The following USP31 variants were observed in gnomAD, a reference collection of about 807,000 sequenced individuals.
USP31 encodes the protein ubiquitin carboxyl-terminal hydrolase 31.
In USP31, 44 loss-of-function variants were observed where a neutral mutation model predicts 119.4. The observed-to-expected ratio is 0.37, with a 90% CI of 0.29 to 0.47. The LOEUF (loss-of-function observed/expected upper bound fraction) is 0.47, where lower values mean the gene tolerates loss of function less well. Ranked by LOEUF, USP31 falls within the 20% of genes least tolerant of loss-of-function variation. USP31 has a pLI of 0.99. For synonymous variants in USP31, 749 were observed against 705.6 expected (o/e 1.06, Z -0.97); for missense variants, 1,643 against 1,730.2 (o/e 0.95, Z 0.89).
At chr16:23,086,473 A>C (rs955024050) in intron 9 of USP31, among the ~76,000 whole-genome samples, 3 of 152,158 alleles carry the variant, frequency 2.0e-5, no homozygotes, top group African/African-American at 7.2e-5. Flanking sequence ...CAGAGGTAGC[A>C]GAGTAGAGTG....
At chr16:23,095,856 T>A (rs1039112050) in intron 6 of USP31, among the ~76,000 whole-genome samples, 4 of 151,990 alleles carry the variant, frequency 2.6e-5, no homozygotes, top group Non-Finnish European at 5.9e-5. Context: ...GCACTAAACA[T>A]GGAAAGGAAC....
intron 1 of USP31, among the ~76,000 whole-genome samples, chr16:23,135,968 A>C (rs1903176097): frequency 6.6e-6 from 1 of 152,218 alleles, no homozygotes; most frequent in Non-Finnish European, 1.5e-5. Flanking sequence ...AGTGGGGTAA[A>C]GATACATAAA....
At position 23,107,224 on chromosome 16, in the gene USP31, T is replaced by C. The variant is rs1340606451; in HGVS notation, c.772-737A>G. Among the ~76,000 whole-genome samples the C allele has an allele frequency of 2.0e-5, 3 of 152,212 alleles. No homozygotes were observed. The East Asian group carries it at 5.8e-4, about 29-fold the overall frequency. ...ACTCTACTTCATGTTGTATTTAACTTTTCATGTCCCTCCGCCTAACAATTA... is the reference window on the plus strand; with the variant it reads ...ACTCTACTTCATGTTGTATTTAACTCTTCATGTCCCTCCGCCTAACAATTA... On this transcript the variant is annotated intron_variant, in intron 2 of 15. Coordinates refer to ENST00000219689, the MANE Select transcript of USP31 (RefSeq NM_020718.4).
At chr16:23,112,727 C>T (rs1478719520) in intron 1 of USP31, among the ~76,000 whole-genome samples, 3 of 151,864 alleles carry the variant, frequency 2.0e-5, no homozygotes. Context: ...AGAAGATTTC[C>T]TAATTTTAAA....
Position 23,084,982 on chromosome 16 carries a change from C to T in USP31, c.1708G>A (p.Val570Ile). The T allele has an allele frequency of 6.2e-7, 1 of 1,613,082 alleles. No individual in the cohort carries two copies. Among genetic ancestry groups the T allele is most frequent in the Non-Finnish European group, 8.5e-7 (1 of 1,179,746 alleles). Residue 570 changes from valine to isoleucine, a missense_variant, in exon 11 of 16, where the codon GTA becomes ATA. By Grantham distance (29) the Val-to-Ile change is conservative (BLOSUM62 3). Transcript: ENST00000219689. Reference sequence around the variant, plus strand: ...GGAATATACTCATCCTCAGTATTTACAAATAAGCTGCAATTAGGGGGAAAA... The same window carrying T: ...GGAATATACTCATCCTCAGTATTTATAAATAAGCTGCAATTAGGGGGAAAA... Reference protein sequence around the residue: ...WDKETRDFLFVNTEDEYIPDA... With the variant: ...WDKETRDFLFINTEDEYIPDA...
At chr16:23,074,619 G>A (rs1900482758) in intron 13 of USP31, among the ~76,000 whole-genome samples, 1 of 152,146 alleles carries the variant, frequency 6.6e-6, no homozygotes, top group Non-Finnish European at 1.5e-5. Flanking sequence ...TGCACTTGAA[G>A]CCCTATCCTG....
chr16:23,148,778 G>T lies in USP31; in HGVS notation c.493C>A (p.Arg165=), dbSNP rs1048503030. Residue 165 remains arginine (R), a synonymous_variant, in exon 1 of 16, where the codon CGG becomes AGG. Coordinates refer to ENST00000219689, the MANE Select transcript of USP31 (RefSeq NM_020718.4). Reference sequence around the variant, plus strand: ...TCCGGGTCAGGCGAGGGCTCGGGCCGCCCCGCCCGGTACTGGCCCAGCGCC... The same window carrying T: ...TCCGGGTCAGGCGAGGGCTCGGGCCTCCCCGCCCGGTACTGGCCCAGCGCC... ...YLALGQYRAG[R]PEPSPDPEQP... is the part of the protein sequence containing the mutation. 4 of 1,531,996 alleles carry T rather than the reference G, an allele frequency of 2.6e-6. No homozygotes were observed. Among genetic ancestry groups the T allele is most frequent in the South Asian group, 1.2e-5 (1 of 80,854 alleles). 94.9% of individuals were successfully genotyped at this position (1,531,996 alleles called of 1,614,324 possible). A position where few individuals can be genotyped will look rare whatever the true frequency, so the allele number is the denominator to read the frequency against.
At position 23,062,118 on chromosome 16, in the gene USP31, T is replaced by A. The variant is rs1899856925; in HGVS notation, c.*5928A>T. The stretch of plus-strand genomic sequence containing the variant: ...TTTCCAACTTGCATGTCTACTTGTA[T>A]CTTCATTCCTTAAAATGTTGAAAAC... On this transcript the variant is annotated 3_prime_UTR_variant, in exon 16 of 16. Transcript: ENST00000219689. 6.5e-6 allele frequency: 1 copy of A among 152,794 alleles called. No homozygotes were observed. Among genetic ancestry groups the A allele is most frequent in the South Asian group, 2.1e-4 (1 of 4,832 alleles). The allele number at this position is 152,794 out of a possible 1,614,324, so 9.5% of individuals were successfully genotyped here.
rs1222631002 is a variant in USP31 at position 23,068,430 on chromosome 16, C to T, written c.3675G>A (p.Gly1225=). 6.8e-6 allele frequency: 11 copies of T among 1,613,598 alleles called. No individual in the cohort carries two copies. Among genetic ancestry groups the T allele is most frequent in the Non-Finnish European group, 9.3e-6 (11 of 1,180,040 alleles). The change falls in exon 16 of 16, where the codon GGG becomes GGA. Residue 1225 remains glycine, a synonymous_variant. Transcript: ENST00000219689. ...LKRDSKSEDK[G]LSFFKSALRQ... is the part of the protein sequence containing the mutation. ...TCAAGGCTGATTTGAAGAAGGACAG[C>T]CCCTTGTCCTCAGACTTGCTGTCCC...
intron 13 of USP31, among the ~76,000 whole-genome samples, chr16:23,078,189 G>C (rs186452809): frequency 6.6e-6 from 1 of 151,648 alleles, no homozygotes; most frequent in African/African-American, 2.4e-5. Flanking sequence ...GTGTGTGCCT[G>C]TAGTCCCAGC....
intron 7 of USP31, among the ~76,000 whole-genome samples, chr16:23,088,350 C>T (rs114790464): frequency 1.8e-4 from 28 of 152,232 alleles, no homozygotes; most frequent in African/African-American, 6.7e-4. Flanking sequence ...CTGCACAGAC[C>T]GAAGACCAAA....
At position 23,094,221 on chromosome 16, in the gene USP31, T is replaced by C. The variant is rs180902023; in HGVS notation, c.1235-3417A>G. Among the ~76,000 whole-genome samples the C allele has an allele frequency of 5.5e-4, 84 of 152,298 alleles. 1 individual carries two copies. The highest frequency in any genetic ancestry group is 3.3e-3 in the Admixed American group (50 of 15,310). On this transcript the variant is annotated intron_variant, in intron 6 of 15. Coordinates refer to ENST00000219689, the MANE Select transcript of USP31 (RefSeq NM_020718.4). ...CCCATGCCTGGCTCGGTGGGTCCCA[T>C]GCCCACGGAGTCTTGCTCACTGCTA...
intron 13 of USP31, 87 bp downstream of exon 13, chr16:23,079,859 G>A: frequency 7.9e-7 from 1 of 1,272,896 alleles, no homozygotes; most frequent in Non-Finnish European, 1.1e-6. Context: ...GAGGGGAAAT[G>A]AGGCTCTAAA....
At position 23,117,751 on chromosome 16, in the gene USP31, C is replaced by CTTTTT. The variant is rs67615111; in HGVS notation, c.634-9573_634-9569dup. Among the ~76,000 whole-genome samples the CTTTTT allele has an allele frequency of 9.8e-4, 138 of 141,462 alleles. 1 individual carries two copies. Among genetic ancestry groups the CTTTTT allele is most frequent in the South Asian group, 2.5e-3 (11 of 4,422 alleles). 92.8% of individuals were successfully genotyped at this position (141,462 alleles called of 152,430 possible). On this transcript the variant is annotated intron_variant, in intron 1 of 15. Transcript: ENST00000219689. ...TACTACGTTTGATTTTTTTCCTTTT[C>CTTTTT]TTTTTTTTTTTGTTGTTGTTGTTGT...
chr16:23,121,860 G>A (rs935790421), intron 1 of USP31, among the ~76,000 whole-genome samples: 5 of 152,034 alleles, frequency 3.3e-5, no homozygotes, highest in Admixed American at 1.3e-4. Flanking sequence ...GAATTTCCTC[G>A]TTTTATATAG....
At chr16:23,072,255 C>CCA in intron 14 of USP31, 58 bp from the exon 15 acceptor site, 1 of 1,557,578 alleles carries the variant, frequency 6.4e-7, no homozygotes, top group African/African-American at 1.4e-5. Flanking sequence ...CAGCCCTGAG[C>CCA]CACACACACC....
intron 1 of USP31, among the ~76,000 whole-genome samples, chr16:23,144,849 T>A (rs556322690): frequency 7.1e-4 from 108 of 152,286 alleles, no homozygotes; most frequent in Middle Eastern, 3.4e-3. Flanking sequence ...AACCTTTTTT[T>A]AAAAAGTAAT....
intron 1 of USP31, among the ~76,000 whole-genome samples, chr16:23,124,545 G>T (rs1398038701): frequency 6.6e-6 from 1 of 152,144 alleles, no homozygotes; most frequent in Non-Finnish European, 1.5e-5. Context: ...GAACACTGGA[G>T]ATATAAATAA....
At chr16:23,143,595 G>GA (rs1903418274) in intron 1 of USP31, among the ~76,000 whole-genome samples, 1 of 139,944 alleles carries the variant, frequency 7.1e-6, no homozygotes, top group Non-Finnish European at 1.6e-5. Flanking sequence ...TGGGGGGGGG[G>GA]AGAGAGAGAG....
Sources: gnomAD v4.1 joint callset for allele counts (sites outside exome capture counted in the v4.1 genomes callset) on GRCh38, gnomAD v4.1.1 for gene constraint, MANE v1.5 for transcripts, NCBI Gene and HGNC (gene_info 2026-07-23, HGNC 2026-07-21) for gene names.